ERCC6L: variants seen among roughly 807,000 people sequenced by gnomAD.
The protein encoded by ERCC6L is ERCC excision repair 6 like, spindle assembly checkpoint helicase, also known as DNA excision repair protein ERCC-6-like.
A neutral mutation model predicts 20.1 loss-of-function variants in ERCC6L; 7 were observed. The ratio of observed to expected loss-of-function variants is 0.35; its 90% CI spans 0.20 to 0.65. The LOEUF is 0.65. Ranked by LOEUF, ERCC6L falls within the 30% of genes least tolerant of loss-of-function variation. ERCC6L has a pLI of 0.69. For missense variants in ERCC6L, 592 were observed against 892.4 expected, an observed-to-expected ratio of 0.66 and a Z score of 4.29; for synonymous variants, 278 against 331.3, an observed-to-expected ratio of 0.84 and a Z score of 1.75.
intron 1 of ERCC6L, among the ~76,000 whole-genome samples, chrX:72,236,990 A>G (rs751372146): frequency 1.8e-5 from 2 of 112,199 alleles, no homozygotes; most frequent in South Asian, 7.4e-4. Flanking sequence ...ATAGCTCATC[A>G]CACACCAGCC....
chrX:72,205,388 G>T lies in ERCC6L; in HGVS notation c.3379C>A (p.Pro1127Thr). Reference sequence around the variant, plus strand: ...CTGCTTTCCTCCACCCCTTCTTCTGGATAATCTTCAGGACCCTTTGCTTCA... The same window carrying T: ...CTGCTTTCCTCCACCCCTTCTTCTGTATAATCTTCAGGACCCTTTGCTTCA... ...SSEAKGPEDY[P>T]EEGVEESSGE... is the part of the protein sequence containing the mutation. The change falls in exon 2 of 2, where the codon CCA (proline) becomes ACA (threonine). Residue 1127 changes from proline to threonine, a missense_variant. Around this residue, in one of 3 missense-constraint regions of ERCC6L, gnomAD observed 352 missense variants for 402.6 expected, o/e 0.87. Coordinates refer to ENST00000334463, the MANE Select transcript of ERCC6L (RefSeq NM_017669.4). 8.3e-7 allele frequency: 1 copy of T among 1,211,847 alleles called. No homozygotes were observed. Among genetic ancestry groups the T allele is most frequent in the Middle Eastern group, 2.3e-4 (1 of 4,356 alleles).
At chrX:72,211,556 G>A (rs2042854276) in intron 1 of ERCC6L, among the ~76,000 whole-genome samples, 1 of 111,566 alleles carries the variant, frequency 9.0e-6, no homozygotes, top group Non-Finnish European at 1.9e-5. Context: ...TTACAGTCTG[G>A]ATTACAATTC....
intron 1 of ERCC6L, among the ~76,000 whole-genome samples, chrX:72,233,716 C>T (rs927226273): frequency 7.4e-5 from 5 of 67,930 alleles, no homozygotes; most frequent in Admixed American, 1.6e-4. Flanking sequence ...TGCAAGACTC[C>T]GTCTCAAAAA....
intron 1 of ERCC6L, among the ~76,000 whole-genome samples, chrX:72,210,700 C>A (rs1183900710): frequency 9.0e-6 from 1 of 111,512 alleles, no homozygotes; most frequent in Non-Finnish European, 1.9e-5. Context: ...GCCTAGACTT[C>A]TTAGCACCAG....
intron 1 of ERCC6L, among the ~76,000 whole-genome samples, chrX:72,221,669 T>C: frequency 9.0e-6 from 1 of 111,173 alleles, no homozygotes; most frequent in African/African-American, 3.3e-5. Context: ...CAGCCGATGG[T>C]TGGAAAATGT....
At chrX:72,210,169 T>A (rs2042844879) in intron 1 of ERCC6L, among the ~76,000 whole-genome samples, 1 of 97,640 alleles carries the variant, frequency 1.0e-5, no homozygotes, top group African/African-American at 4.0e-5. Flanking sequence ...AGTTTAAGAC[T>A]AGCCTGAATA....
In ERCC6L at chrX:72,205,417, C is replaced by T; in HGVS notation, c.3350G>A (p.Ser1117Asn). ...ATCTTCAGGACCCTTTGCTTCACTG[C>T]TGTCGTCAAGTCTTTCCTCCATGTC... is the stretch of plus-strand genomic sequence containing the variant. The part of the protein sequence containing the change: ...VEDMEERLDD[S>N]SEAKGPEDYP... Residue 1117 changes from serine to asparagine, a missense_variant, in exon 2 of 2, where the codon AGC (serine) becomes AAC (asparagine). Ser to Asn is a conservative substitution (Grantham distance 46). This residue lies in a region of ERCC6L where 352 missense variants were observed against 402.6 expected (regional missense o/e 0.87). Transcript: ENST00000334463. 1 of 1,212,040 alleles carries T rather than the reference C, an allele frequency of 8.3e-7. No homozygotes were observed. Among genetic ancestry groups the T allele is most frequent in the Non-Finnish European group, 1.1e-6 (1 of 895,584 alleles).
At chrX:72,231,241 C>T (rs1202919609) in intron 1 of ERCC6L, among the ~76,000 whole-genome samples, 1 of 111,560 alleles carries the variant, frequency 9.0e-6, no homozygotes, top group African/African-American at 3.3e-5. Flanking sequence ...ATTATTCAGC[C>T]GTTAAAAGGC....
chrX:72,236,774 C>A lies in ERCC6L; in HGVS notation c.68+2070G>T, dbSNP rs1354659548. On this transcript the variant is annotated intron_variant, in intron 1 of 1. Coordinates refer to ENST00000334463, the MANE Select transcript of ERCC6L (RefSeq NM_017669.4). ...TTCATTCAATATCATTTTGCTGCAA[C>A]ACTGATGAGAAAAAAATTGGTTTTG... Among the ~76,000 whole-genome samples the A allele has an allele frequency of 5.4e-5, 6 of 111,872 alleles. No homozygotes were observed. The East Asian group carries it at 1.7e-3, about 31-fold the overall frequency.
intron 1 of ERCC6L, chrX:72,237,729 A>T (rs2147608283): frequency 9.0e-6 from 1 of 111,470 alleles, no homozygotes; most frequent in African/African-American, 3.3e-5. Context: ...AGATCGCGCC[A>T]CTGCACTCCA....
intron 1 of ERCC6L, among the ~76,000 whole-genome samples, chrX:72,212,658 C>T (rs1009219873): frequency 5.3e-5 from 6 of 112,384 alleles, no homozygotes; most frequent in Non-Finnish European, 1.1e-4. Context: ...TGTGAAGAGA[C>T]AGCTGGGAGC....
intron 1 of ERCC6L, among the ~76,000 whole-genome samples, chrX:72,210,065 G>A (rs190410514): frequency 9.2e-6 from 1 of 108,943 alleles, no homozygotes; most frequent in African/African-American, 3.3e-5. Context: ...CAACCAGAGG[G>A]GGGGAAGAGA....
Position 72,234,263 on chromosome X carries a change from G to A in ERCC6L, c.68+4581C>T, listed in dbSNP as rs772066368. Among the ~76,000 whole-genome samples, 7 of 112,266 alleles carry A rather than the reference G, an allele frequency of 6.2e-5. No individual in the cohort carries two copies. In the South Asian group the frequency reaches 1.8e-3, roughly 29 times the overall value. Reference sequence around the variant, plus strand: ...AGTCAGTGAAGTAAGAAGAAAATCCGGAGAGCAAGGGCTCCTTGGAAGACT... The same window carrying A: ...AGTCAGTGAAGTAAGAAGAAAATCCAGAGAGCAAGGGCTCCTTGGAAGACT... On this transcript the variant is annotated intron_variant, in intron 1 of 1. Coordinates refer to ENST00000334463, the MANE Select transcript of ERCC6L (RefSeq NM_017669.4).
rs779134069 is a variant in ERCC6L, at chrX:72,213,617, C to T, written c.69-4919G>A. Among the ~76,000 whole-genome samples, 5 of 112,310 alleles carry T rather than the reference C, an allele frequency of 4.5e-5. No individual in the cohort carries two copies. In the South Asian group the frequency reaches 1.9e-3, roughly 42 times the overall value. On this transcript the variant is annotated intron_variant, in intron 1 of 1. Transcript: ENST00000334463. ...TCCAGATATGGCAGGGTGTCCGCTG[C>T]GTTTCTGATATAGCAAGGCGCCCAT...
chrX:72,233,697 G>A (rs1268022854), intron 1 of ERCC6L, among the ~76,000 whole-genome samples: 6 of 95,113 alleles, frequency 6.3e-5, no homozygotes, highest in South Asian at 5.9e-4. Flanking sequence ...ACTCCAGCCC[G>A]GATGACACTG....
chrX:72,234,811 A>G (rs2043006781), intron 1 of ERCC6L, among the ~76,000 whole-genome samples: 1 of 111,516 alleles, frequency 9.0e-6, no homozygotes, highest in Non-Finnish European at 1.9e-5. Context: ...GATTGCTTCT[A>G]TCAACCCAGT....
chrX:72,231,072 G>T (rs1375350149), intron 1 of ERCC6L, among the ~76,000 whole-genome samples: 1 of 111,945 alleles, frequency 8.9e-6, no homozygotes, highest in Non-Finnish European at 1.9e-5. Context: ...CTCACTTCTG[G>T]GTACTTCCAA....
intron 1 of ERCC6L, among the ~76,000 whole-genome samples, chrX:72,230,817 TA>T (rs1202070531): frequency 1.2e-4 from 13 of 110,562 alleles, no homozygotes; most frequent in African/African-American, 4.3e-4. Flanking sequence ...TACAAAAAAT[TA>T]GCCAGGCATG....
intron 1 of ERCC6L, among the ~76,000 whole-genome samples, chrX:72,227,050 A>G (rs1298286968): frequency 8.9e-6 from 1 of 112,072 alleles, no homozygotes; most frequent in Non-Finnish European, 1.9e-5. Flanking sequence ...CCATCAAGCC[A>G]GGGGACACCT....
Sources: gnomAD v4.1 joint callset for allele counts (sites outside exome capture counted in the v4.1 genomes callset) on GRCh38, gnomAD v4.1.1 for gene constraint, gnomAD v4.1.1 regional missense constraint, MANE v1.5 for transcripts, NCBI Gene and HGNC (gene_info 2026-07-23, HGNC 2026-07-21) for gene names.